SETDB1: variants seen among roughly 807,000 people sequenced by gnomAD.
The protein encoded by SETDB1 is histone-lysine N-methyltransferase SETDB1.
Under a neutral mutation model 137.4 loss-of-function variants are expected in SETDB1, and 31 were observed. The observed-to-expected ratio is 0.23, with a 90% CI of 0.17 to 0.30. SETDB1 has a LOEUF of 0.30. SETDB1 is among the 10% of genes least tolerant of loss of function. The pLI, the probability that SETDB1 is intolerant of heterozygous loss-of-function variation, is 1.00. For missense variants in SETDB1, 1,113 were observed against 1,631.5 expected (o/e 0.68, Z 5.47); for synonymous variants, 548 against 579.9 (o/e 0.95, Z 0.79).
intron 14 of SETDB1, among the ~76,000 whole-genome samples, chr1:150,952,446 G>C (rs1183297962): frequency 6.6e-6 from 1 of 152,184 alleles, no homozygotes; most frequent in Non-Finnish European, 1.5e-5. Context: ...TTATGGAGTG[G>C]GGGGAAAGAG....
rs1320136020 is a variant in SETDB1, at chr1:150,949,352, T to C, written c.1425-15T>C. 3 of 1,614,032 alleles carry C rather than the reference T, an allele frequency of 1.9e-6. No homozygotes were observed. The highest frequency in any genetic ancestry group is 1.7e-4 in the Middle Eastern group (1 of 6,060). On this transcript the variant is annotated splice_polypyrimidine_tract_variant and intron_variant, in intron 11 of 21. Transcript: ENST00000692827. ...CCACATCCCTTACTATATGCCCTCT[T>C]CTCTAATCTCCTAGAAGCTTGGAAA...
Position 150,961,182 on chromosome 1 carries a change from C to G in SETDB1, c.3123C>G (p.Ala1041=). The G allele has an allele frequency of 6.2e-7, 1 of 1,613,022 alleles. No homozygotes were observed. The highest frequency in any genetic ancestry group is 8.5e-7 in the Non-Finnish European group (1 of 1,179,982). Residue 1041 remains alanine (A), a synonymous_variant, in exon 16 of 22, where the codon GCC becomes GCG. Transcript: ENST00000692827. ...GIKDEGDIKQ[A]KKEDTDDRNK... ...AGGATGAGGGAGACATCAAACAGGCCAAGAAAGAGGTAAGCAGTGGCAGAA... is the reference window on the plus strand; with the variant it reads ...AGGATGAGGGAGACATCAAACAGGCGAAGAAAGAGGTAAGCAGTGGCAGAA...
intron 8 of SETDB1, among the ~76,000 whole-genome samples, chr1:150,944,359 C>T (rs1054191140): frequency 3.9e-5 from 6 of 152,192 alleles, no homozygotes; most frequent in Non-Finnish European, 8.8e-5. Flanking sequence ...GTGTAGTCTG[C>T]ATAATGCTTT....
chr1:150,940,675 C>A (rs991107744), intron 4 of SETDB1, among the ~76,000 whole-genome samples: 1 of 151,614 alleles, frequency 6.6e-6, no homozygotes, highest in African/African-American at 2.4e-5. Context: ...CAAGAGCAGC[C>A]TAACCATGGA....
chr1:150,961,570 G>A (rs1267253215), intron 16 of SETDB1: 6 of 257,444 alleles, frequency 2.3e-5, no homozygotes, highest in East Asian at 1.2e-4. Flanking sequence ...CAGGAGAATC[G>A]CTTGAACCTG....
chr1:150,943,897 C>T (rs1392892023), intron 7 of SETDB1, 23 bp from the exon 8 acceptor site: 5 of 1,473,042 alleles, frequency 3.4e-6, no homozygotes, highest in Non-Finnish European at 4.8e-6. Context: ...CCAGATCTTT[C>T]TGCTGTCACT....
rs587737332 is a variant in SETDB1, at chr1:150,936,506, A to T, written c.413-3434A>T. 1.6e-4 allele frequency among the ~76,000 whole-genome samples: 24 copies of T among 152,332 alleles called. No homozygotes were observed. The South Asian group carries it at 3.9e-3, about 25-fold the overall frequency. On this transcript the variant is annotated intron_variant, in intron 3 of 21. Coordinates refer to ENST00000692827, the MANE Select transcript of SETDB1 (RefSeq NM_001366418.1). ...TTGCAGCATGGTATTCCATTGTATG[A>T]ATATGCCACAGTTTATCAGTTTTCC...
intron 14 of SETDB1, among the ~76,000 whole-genome samples, chr1:150,956,516 C>G (rs1181725467): frequency 6.6e-6 from 1 of 152,136 alleles, no homozygotes; most frequent in Non-Finnish European, 1.5e-5. Context: ...CTGAGCTGAT[C>G]TTTTTTGATC....
chr1:150,946,215 C>T lies in SETDB1; in HGVS notation c.1141-671C>T, dbSNP rs587604508. Among the ~76,000 whole-genome samples, 12 of 151,598 alleles carry T rather than the reference C, an allele frequency of 7.9e-5. No homozygotes were observed. In the East Asian group the frequency reaches 2.2e-3, roughly 27 times the overall value. ...TTGTATTTTTAGTAGAGACGGGTTTCGCCATGTTGCCCAGGCTGGTCTCGA... is the reference window on the plus strand; with the variant it reads ...TTGTATTTTTAGTAGAGACGGGTTTTGCCATGTTGCCCAGGCTGGTCTCGA... On this transcript the variant is annotated intron_variant, in intron 9 of 21. Coordinates refer to ENST00000692827, the MANE Select transcript of SETDB1 (RefSeq NM_001366418.1).
intron 3 of SETDB1, 86 bp downstream of exon 3, chr1:150,930,204 G>A: frequency 1.7e-6 from 2 of 1,202,534 alleles, no homozygotes; most frequent in South Asian, 1.5e-5. Flanking sequence ...TAGAAGAGAG[G>A]AGAAACCATT....
intron 14 of SETDB1, among the ~76,000 whole-genome samples, chr1:150,952,148 T>TAA (rs587604868): frequency 0.077 from 11,004 of 142,604 alleles, 1,391 homozygotes; most frequent in African/African-American, 0.27. Context: ...GACTCTGCCT[T>TAA]AAAAAAAAAA....
intron 10 of SETDB1, among the ~76,000 whole-genome samples, chr1:150,948,188 C>T (rs1186506450): frequency 6.6e-6 from 1 of 151,576 alleles, no homozygotes; most frequent in African/African-American, 2.4e-5. Context: ...AAGGTCACAC[C>T]GCTGCACTTC....
At chr1:150,945,362 A>G (rs775815097) in intron 9 of SETDB1, 11 of 1,315,828 alleles carry the variant, frequency 8.4e-6, no homozygotes, top group Non-Finnish European at 1.1e-5. Context: ...CTTTAGGAGT[A>G]TTCACATTGT....
chr1:150,959,157 T>C, intron 14 of SETDB1, 21 bp from the exon 15 acceptor site: 1 of 1,520,236 alleles, frequency 6.6e-7, no homozygotes, highest in Non-Finnish European at 8.8e-7. Context: ...CGTGATTGAT[T>C]TTATTCTAAC....
chr1:150,963,792 G>T (rs770452619), intron 20 of SETDB1, 51 bp downstream of exon 20: 100 of 1,567,824 alleles, frequency 6.4e-5, no homozygotes, highest in Non-Finnish European at 8.3e-5. Context: ...ATGGTCCTCA[G>T]ATTTCTTTTA....
chr1:150,956,743 A>G (rs587629833), intron 14 of SETDB1, among the ~76,000 whole-genome samples: 10 of 150,458 alleles, frequency 6.6e-5, no homozygotes, highest in Admixed American at 6.0e-4. Context: ...CAGGGAAATA[A>G]TCTCTTTTTT....
At position 150,926,386 on chromosome 1, in the gene SETDB1, C is replaced by T. The variant is rs1043324161; in HGVS notation, c.-143C>T. 6 of 217,546 alleles carry T rather than the reference C, an allele frequency of 2.8e-5. No homozygotes were observed. Among genetic ancestry groups the T allele is most frequent in the African/African-American group, 1.4e-4 (6 of 42,006 alleles). 13.5% of individuals were successfully genotyped at this position (217,546 alleles called of 1,614,324 possible). A position where few individuals can be genotyped will look rare whatever the true frequency, so the allele number is the denominator to read the frequency against. On this transcript the variant is annotated 5_prime_UTR_variant, in exon 1 of 22. Transcript: ENST00000692827. The stretch of plus-strand genomic sequence containing the variant: ...GCGTTTCTTTTGCTTCCCCTTCCCT[C>T]TTTCACGCTTCCTCCCCTCCCCCTC...
intron 4 of SETDB1, among the ~76,000 whole-genome samples, chr1:150,940,766 G>A (rs1325860374): frequency 6.6e-6 from 1 of 152,042 alleles, no homozygotes; most frequent in African/African-American, 2.4e-5. Flanking sequence ...TTGGGAGGCT[G>A]AGGCGGGTGG....
intron 1 of SETDB1, among the ~76,000 whole-genome samples, chr1:150,927,334 C>G (rs1357408780): frequency 6.6e-6 from 1 of 152,110 alleles, no homozygotes; most frequent in Non-Finnish European, 1.5e-5. Context: ...CCATGTTGCC[C>G]AGGCTGGTCT....
Sources: gnomAD v4.1 joint callset for allele counts (sites outside exome capture counted in the v4.1 genomes callset) on GRCh38, gnomAD v4.1.1 for gene constraint, MANE v1.5 for transcripts, NCBI Gene and HGNC (gene_info 2026-07-23, HGNC 2026-07-21) for gene names.